DRAXIN: variants seen among roughly 807,000 people sequenced by gnomAD.
DRAXIN encodes the protein dorsal inhibitory axon guidance protein.
Under a neutral mutation model 33.9 loss-of-function variants are expected in DRAXIN, and 27 were observed. The ratio of observed to expected loss-of-function variants is 0.80; its 90% confidence interval spans 0.59 to 1.10. The LOEUF is 1.10. Ranked by LOEUF, DRAXIN falls within the 50% of genes least tolerant of loss-of-function variation. The pLI is 0.00. For missense variants in DRAXIN, 371 were observed against 460.8 expected (o/e 0.81, Z 1.78); for synonymous variants, 178 against 194.0 (o/e 0.92, Z 0.69).
At chr1:11,718,561 T>C (rs757041630) in intron 6 of DRAXIN, among the ~76,000 whole-genome samples, 1 of 152,168 alleles carries the variant, frequency 6.6e-6, no homozygotes. Flanking sequence ...ACTCCTGGGC[T>C]CAAAGGATCC....
At chr1:11,713,518 C>G (rs1037047220) in intron 5 of DRAXIN, among the ~76,000 whole-genome samples, 1 of 152,230 alleles carries the variant, frequency 6.6e-6, no homozygotes. Flanking sequence ...AGAAGCCGGA[C>G]GTTGTAACTA....
At chr1:11,700,971 C>T (rs59434666) in intron 1 of DRAXIN, among the ~76,000 whole-genome samples, 7,466 of 152,216 alleles carry the variant, frequency 0.049, 255 homozygotes, top group South Asian at 0.093. Flanking sequence ...CCCCCAAATG[C>T]AAGGCTGTTG....
At chr1:11,702,354 A>AAC (rs145804847) in intron 1 of DRAXIN, among the ~76,000 whole-genome samples, 13 of 148,044 alleles carry the variant, frequency 8.8e-5, no homozygotes, top group Non-Finnish European at 1.8e-4. Context: ...ATACACTGAC[A>AAC]ACACACACAC....
chr1:11,714,346 G>T (rs1300195358), intron 5 of DRAXIN, among the ~76,000 whole-genome samples: 1 of 152,238 alleles, frequency 6.6e-6, no homozygotes, highest in Non-Finnish European at 1.5e-5. Context: ...TACAGAGGTG[G>T]CCTGTTAGAC....
Position 11,719,454 on chromosome 1 carries a change from T to C in DRAXIN, c.938-130T>C, listed in dbSNP as rs1231487665. ...TCTTTTAAGCTCATTGGGGCTGCCG[T>C]GAGGAAGCTGGGTTGTAGGGCAGAA... On this transcript the variant is annotated intron_variant, in intron 6 of 6. Coordinates refer to ENST00000294485, the MANE Select transcript of DRAXIN (RefSeq NM_198545.4). The C allele has an allele frequency of 1.6e-5, 12 of 740,746 alleles. 1 individual carries two copies. The highest frequency in any genetic ancestry group is 1.6e-4 in the South Asian group (9 of 56,784). The allele number at this position is 740,746 out of a possible 1,614,324, so 45.9% of individuals were successfully genotyped here.
chr1:11,715,023 A>G lies in DRAXIN; in HGVS notation c.848-96A>G. On this transcript the variant is annotated intron_variant, in intron 5 of 6. Coordinates refer to ENST00000294485, the MANE Select transcript of DRAXIN (RefSeq NM_198545.4). ...ACCCCGCCAGGGCGCGGCCTGCCAC[A>G]GAGATGATGGATCTCTTGTCCAGTG... 3 of 1,450,474 alleles carry G rather than the reference A, an allele frequency of 2.1e-6. No individual in the cohort carries two copies. The South Asian group carries it at 3.4e-5, about 17-fold the overall frequency. The allele number at this position is 1,450,474 out of a possible 1,614,324, so 89.9% of individuals were successfully genotyped here. A position where few individuals can be genotyped will look rare whatever the true frequency, so the allele number is the denominator to read the frequency against.
In DRAXIN at chr1:11,706,150, C is replaced by T; in HGVS notation, c.-10-99C>T. 3.4e-6 allele frequency: 4 copies of T among 1,189,384 alleles called. No individual in the cohort carries two copies. The highest frequency in any genetic ancestry group is 1.6e-5 in the South Asian group (1 of 61,572). 73.7% of individuals were successfully genotyped at this position (1,189,384 alleles called of 1,614,324 possible). A position where few individuals can be genotyped will look rare whatever the true frequency, so the allele number is the denominator to read the frequency against. On this transcript the variant is annotated intron_variant, in intron 1 of 6. Coordinates refer to ENST00000294485, the MANE Select transcript of DRAXIN (RefSeq NM_198545.4). This position sits in a 1 kb window ranked among gnomAD's most constrained non-coding sequence, Gnocchi z 5.5. ...AAATGTCACTGGGAGCAAAATGTCC[C>T]TCTATGGCTGTTGAGAAAAACTGGG...
intron 5 of DRAXIN, among the ~76,000 whole-genome samples, chr1:11,713,396 C>A (rs1326341908): frequency 6.6e-6 from 1 of 152,196 alleles, no homozygotes; most frequent in Non-Finnish European, 1.5e-5. Flanking sequence ...TGACACCAGG[C>A]AGGGCTTAAT....
Position 11,719,973 on chromosome 1 carries a change from C to A in DRAXIN, c.*277C>A. ...ATGGCAATGCCGAGAGTGCCCTCTA[C>A]TGTCCGACTCCAGCACTGCAACAGC... On this transcript the variant is annotated 3_prime_UTR_variant, in exon 7 of 7. Coordinates refer to ENST00000294485, the MANE Select transcript of DRAXIN (RefSeq NM_198545.4). 2.3e-6 allele frequency: 1 copy of A among 435,272 alleles called. No individual in the cohort carries two copies. Among genetic ancestry groups the A allele is most frequent in the South Asian group, 2.7e-5 (1 of 37,496 alleles). The allele number at this position is 435,272 out of a possible 1,614,324, so 27.0% of individuals were successfully genotyped here.
chr1:11,720,205 G>T lies in DRAXIN; in HGVS notation c.*509G>T, dbSNP rs1641640668. On this transcript the variant is annotated 3_prime_UTR_variant, in exon 7 of 7. Transcript: ENST00000294485. ...CATGCGACAGGTTGAGGACCGTGAG[G>T]CACGCTGGAGTTATTTGACTCGACT... 1 of 157,142 alleles carries T rather than the reference G, an allele frequency of 6.4e-6. No individual in the cohort carries two copies. Among genetic ancestry groups the T allele is most frequent in the Non-Finnish European group, 1.4e-5 (1 of 70,320 alleles). 9.7% of individuals were successfully genotyped at this position (157,142 alleles called of 1,614,324 possible).
At chr1:11,687,272 C>G (rs1301904741), upstream of DRAXIN, among the ~76,000 whole-genome samples, 1 of 152,140 alleles carries the variant, frequency 6.6e-6, no homozygotes, top group African/African-American at 2.4e-5. This position sits in a 1 kb window ranked among gnomAD's most constrained non-coding sequence, Gnocchi z 4.1. Context: ...CGGAGTCTCT[C>G]TCTGCCACCC....
At position 11,706,312 on chromosome 1, in the gene DRAXIN, G is replaced by T. The variant is rs553874892; in HGVS notation, c.54G>T (p.Leu18=). 4.3e-6 allele frequency: 7 copies of T among 1,613,368 alleles called. No homozygotes were observed. The Admixed American group carries it at 1.2e-4, about 27-fold the overall frequency. The stretch of plus-strand genomic sequence containing the variant: ...CCATGCTGTTCCTCGTCCTCCTGCT[G>T]CCCCTGGAGCTGAGCCTGGCAGGCG... ...TAPMLFLVLL[L]PLELSLAGAL... The change falls in exon 2 of 7, where the codon CTG becomes CTT. Residue 18 remains leucine, a synonymous_variant. Coordinates refer to ENST00000294485, the MANE Select transcript of DRAXIN (RefSeq NM_198545.4). The surrounding 1 kb of genome is among the most constrained non-coding windows in gnomAD (Gnocchi z 5.5).
rs1641221088 is a variant in DRAXIN at position 11,698,150 on chromosome 1, A to G, written c.-11+6297A>G. Reference sequence around the variant, plus strand: ...ATAATCCCATTTCACAGACAAGGGAATAGACTCATGAAGGGAGGAGATGTT... The same window carrying G: ...ATAATCCCATTTCACAGACAAGGGAGTAGACTCATGAAGGGAGGAGATGTT... On this transcript the variant is annotated intron_variant, in intron 1 of 6. Transcript: ENST00000294485. Among the ~76,000 whole-genome samples the G allele has an allele frequency of 3.3e-5, 5 of 152,204 alleles. No homozygotes were observed. The South Asian group carries it at 1.0e-3, about 31-fold the overall frequency.
chr1:11,715,260 G>A (rs751862680), intron 6 of DRAXIN, 52 bp downstream of exon 6: 1 of 1,609,410 alleles, frequency 6.2e-7, no homozygotes. Context: ...GAACCACAAA[G>A]CCTCCCTTTC....
upstream of DRAXIN, among the ~76,000 whole-genome samples, chr1:11,688,516 G>A (rs558712190): frequency 1.6e-3 from 242 of 151,944 alleles, 2 homozygotes; most frequent in Middle Eastern, 0.014. This position sits in a 1 kb window ranked among gnomAD's most constrained non-coding sequence, Gnocchi z 4.6. Context: ...AGCCAAGATC[G>A]CGCCACTGCA....
chr1:11,715,456 TTG>T lies in DRAXIN; in HGVS notation c.937+249_937+250del, dbSNP rs1641562383. On this transcript the variant is annotated intron_variant, in intron 6 of 6. Coordinates refer to ENST00000294485, the MANE Select transcript of DRAXIN (RefSeq NM_198545.4). ...TGATTCTTGGCATCATTTCTGAGAT[TTG>T]CTTTTCTCAACTTTTGAAATACAAG... 1.3e-5 allele frequency among the ~76,000 whole-genome samples: 2 copies of T among 152,232 alleles called. 1 individual carries two copies. Among genetic ancestry groups the T allele is most frequent in the Admixed American group, 1.3e-4 (2 of 15,280 alleles).
intron 6 of DRAXIN, among the ~76,000 whole-genome samples, chr1:11,718,276 C>T (rs1641610667): frequency 7.0e-6 from 1 of 142,914 alleles, no homozygotes; most frequent in Admixed American, 7.4e-5. Context: ...GATGGTGCCG[C>T]TGCACTCCAG....
At position 11,709,282 on chromosome 1, in the gene DRAXIN, C is replaced by T. The variant is rs1358478928; in HGVS notation, c.459C>T (p.Ala153=). The change falls in exon 3 of 7, where the codon GCC becomes GCT. Residue 153 remains alanine, a synonymous_variant. Coordinates refer to ENST00000294485, the MANE Select transcript of DRAXIN (RefSeq NM_198545.4). The stretch of plus-strand genomic sequence containing the variant: ...CCCCACCCTGTGTCTCAGGCCGAGC[C>T]TTGGTCCGAGGTCCCAGCTCCCTGA... ...RDRLRLHQGR[A]LVRGPSSLMK... 1 of 1,611,738 alleles carries T rather than the reference C, an allele frequency of 6.2e-7. No homozygotes were observed. The highest frequency in any genetic ancestry group is 1.7e-4 in the Middle Eastern group (1 of 6,048).
At chr1:11,700,586 A>G (rs960395207) in intron 1 of DRAXIN, among the ~76,000 whole-genome samples, 1 of 152,230 alleles carries the variant, frequency 6.6e-6, no homozygotes, top group Non-Finnish European at 1.5e-5. Flanking sequence ...TTTTAAAGTG[A>G]AGCTAGAATC....
Sources: allele counts gnomAD v4.1 joint callset (sites outside exome capture counted in the v4.1 genomes callset), GRCh38; gene constraint gnomAD v4.1.1; non-coding constraint Gnocchi (gnomAD v3.1); transcripts MANE v1.5; gene names NCBI Gene and HGNC (gene_info 2026-07-23, HGNC 2026-07-21).